The following HIPK1 variants were observed in gnomAD, a reference collection of about 807,000 sequenced individuals.
HIPK1 encodes homeodomain interacting protein kinase 1, also known as homeodomain-interacting protein kinase 1.
A neutral mutation model predicts 117.1 loss-of-function variants in HIPK1; 28 were observed. The ratio of observed to expected loss-of-function variants is 0.24; its 90% CI spans 0.18 to 0.33. The LOEUF is 0.33. Among genes scored for constraint, HIPK1 ranks in the 10% least tolerant of loss-of-function variants. HIPK1 has a pLI of 1.00. For missense variants in HIPK1, 1,122 were observed against 1,475.1 expected (o/e 0.76, Z 3.92); for synonymous variants, 605 against 562.5 (o/e 1.08, Z -1.07).
At chr1:113,938,271 A>G (rs1670381876) in intron 1 of HIPK1, among the ~76,000 whole-genome samples, 1 of 151,190 alleles carries the variant, frequency 6.6e-6, no homozygotes, top group Non-Finnish European at 1.5e-5. Flanking sequence ...CATCTGGCCT[A>G]ATTTTTCTTT....
intron 2 of HIPK1, chr1:113,951,106 ACT>A (rs1408013685): frequency 7.6e-6 from 3 of 396,178 alleles, no homozygotes; most frequent in East Asian, 1.6e-4. Flanking sequence ...GGATTAAGTG[ACT>A]CAACATTTAT....
chr1:113,966,543 C>T (rs969605770), intron 11 of HIPK1, among the ~76,000 whole-genome samples: 1 of 152,088 alleles, frequency 6.6e-6, no homozygotes, highest in Non-Finnish European at 1.5e-5. Context: ...ATCCTAAAGC[C>T]TTGTAATCTA....
At position 113,977,536 on chromosome 1, in the gene HIPK1, A is replaced by T. The variant is rs1407124515; in HGVS notation, c.*4024A>T. The T allele has an allele frequency of 6.5e-6, 1 of 152,718 alleles. No individual in the cohort carries two copies. The highest frequency in any genetic ancestry group is 1.5e-5 in the Non-Finnish European group (1 of 68,020). The allele number at this position is 152,718 out of a possible 1,614,324, so 9.5% of individuals were successfully genotyped here. A position where few individuals can be genotyped will look rare whatever the true frequency, so the allele number is the denominator to read the frequency against. ...TTTTACAACAAGCCTCTAGAAACAG[A>T]TAGTTTCTGAGAATTACTGAGCTAT... On this transcript the variant is annotated 3_prime_UTR_variant, in exon 16 of 16. Transcript: ENST00000426820.
intron 15 of HIPK1, among the ~76,000 whole-genome samples, chr1:113,972,744 T>C (rs1183563508): frequency 2.0e-5 from 3 of 152,294 alleles, no homozygotes; most frequent in African/African-American, 7.2e-5. Flanking sequence ...CACCAGTTAT[T>C]AACTTGCAGG....
At position 113,973,299 on chromosome 1, in the gene HIPK1, G is replaced by A. The variant is rs770536610; in HGVS notation, c.3420G>A (p.Arg1140=). 47 of 1,614,078 alleles carry A rather than the reference G, an allele frequency of 2.9e-5. No homozygotes were observed. The highest frequency in any genetic ancestry group is 3.6e-5 in the Non-Finnish European group (43 of 1,180,012). Residue 1140 remains arginine (R), a synonymous_variant, in exon 16 of 16, where the codon AGG becomes AGA. Coordinates refer to ENST00000426820, the MANE Select transcript of HIPK1 (RefSeq NM_198268.3). The part of the protein sequence containing the change: ...AHLFSPQGSS[R]HAAAYTTHPS... ...TTTTCTCCCCACAGGGTTCCTCAAGGCATGCTGCAGCCTATACCACTCACC... is the reference window on the plus strand; with the variant it reads ...TTTTCTCCCCACAGGGTTCCTCAAGACATGCTGCAGCCTATACCACTCACC...
intron 2 of HIPK1, among the ~76,000 whole-genome samples, chr1:113,950,799 G>C (rs1299779544): frequency 2.0e-5 from 3 of 152,286 alleles, no homozygotes; most frequent in East Asian, 3.9e-4. Flanking sequence ...CACTGCGCTG[G>C]CCAAGGGCAC....
chr1:113,959,015 T>C (rs1428274597), intron 8 of HIPK1, among the ~76,000 whole-genome samples: 2 of 152,166 alleles, frequency 1.3e-5, no homozygotes, highest in Non-Finnish European at 2.9e-5. Flanking sequence ...TCTGTCCAGT[T>C]TCTTTTTTCT....
At position 113,971,987 on chromosome 1, in the gene HIPK1, G is replaced by A. The variant is rs752293256; in HGVS notation, c.3144+33G>A. ...CTATGGGCTACTGCCTTCTGTTTGG[G>A]CCCTGCACTGTTGTTACTTTCTGGA... On this transcript the variant is annotated intron_variant, in intron 15 of 15. Coordinates refer to ENST00000426820, the MANE Select transcript of HIPK1 (RefSeq NM_198268.3). The A allele has an allele frequency of 3.7e-6, 6 of 1,612,884 alleles. No homozygotes were observed. In the African/African-American group the frequency reaches 8.0e-5, roughly 22 times the overall value.
At chr1:113,971,724 G>A (rs1217670431) in intron 14 of HIPK1, 100 bp from the exon 15 acceptor site, 1 of 1,160,994 alleles carries the variant, frequency 8.6e-7, no homozygotes, top group African/African-American at 1.6e-5. Flanking sequence ...AGACCTTAAT[G>A]CTTGCAAACT....
rs568797615 is a variant in HIPK1 at position 113,977,749 on chromosome 1, G to C, written c.*4237G>C. The stretch of plus-strand genomic sequence containing the variant: ...ATTTTCAGTATTTTCTACATAATAT[G>C]GTAAAATGTAGAGCAATTGCAATGC... On this transcript the variant is annotated 3_prime_UTR_variant, in exon 16 of 16. Transcript: ENST00000426820. The C allele has an allele frequency of 1.0e-4, 16 of 152,730 alleles. No individual in the cohort carries two copies. Among genetic ancestry groups the C allele is most frequent in the African/African-American group, 3.9e-4 (16 of 41,518 alleles). The allele number at this position is 152,730 out of a possible 1,614,324, so 9.5% of individuals were successfully genotyped here.
intron 8 of HIPK1, among the ~76,000 whole-genome samples, 169 bp downstream of exon 8, chr1:113,958,460 A>G (rs960199133): frequency 5.9e-5 from 9 of 152,182 alleles, no homozygotes; most frequent in African/African-American, 1.9e-4. Flanking sequence ...TACATAGGCT[A>G]TTTATCTAAT....
intron 2 of HIPK1, among the ~76,000 whole-genome samples, chr1:113,948,009 G>A (rs6674210): frequency 0.01 from 1,591 of 152,258 alleles, 28 homozygotes; most frequent in African/African-American, 0.037. Context: ...AGTTTTACGT[G>A]TCTGTAGAGT....
chr1:113,953,363 G>C lies in HIPK1; in HGVS notation c.1200+474G>C, dbSNP rs908194862. On this transcript the variant is annotated intron_variant, in intron 3 of 15. Coordinates refer to ENST00000426820, the MANE Select transcript of HIPK1 (RefSeq NM_198268.3). ...GGGTCGCTAAGATAGGATTTAGAAA[G>C]GAAATCATCTGAGTTGTAGTAATAT... Among the ~76,000 whole-genome samples, 3 of 152,090 alleles carry C rather than the reference G, an allele frequency of 2.0e-5. 1 individual carries two copies. The highest frequency in any genetic ancestry group is 7.2e-5 in the African/African-American group (3 of 41,394).
chr1:113,956,547 T>G, intron 5 of HIPK1, 80 bp from the exon 6 acceptor site: 1 of 937,932 alleles, frequency 1.1e-6, no homozygotes, highest in Non-Finnish European at 1.6e-6. Flanking sequence ...CACACACACA[T>G]AGTTTGGAGG....
At position 113,940,750 on chromosome 1, in the gene HIPK1, T is replaced by C. The variant is rs751356056; in HGVS notation, c.367T>C (p.Leu123=). The C allele has an allele frequency of 1.2e-6, 2 of 1,613,996 alleles. No homozygotes were observed. The highest frequency in any genetic ancestry group is 2.2e-5 in the South Asian group (2 of 91,078). The stretch of plus-strand genomic sequence containing the variant: ...GCTTGAGCCATATCAAAAATGTGGA[T>C]TGAAACGAAAAAGTGAGGAAGTTGA... The part of the protein sequence containing the change: ...SLLEPYQKCG[L]KRKSEEVDSN... The change falls in exon 2 of 16, where the codon TTG becomes CTG. Residue 123 remains leucine (L), a synonymous_variant. Coordinates refer to ENST00000426820, the MANE Select transcript of HIPK1 (RefSeq NM_198268.3).
In HIPK1 at chr1:113,958,146, C is replaced by T; in HGVS notation, c.1836C>T (p.Tyr612=). The part of the protein sequence containing the change: ...LANSDVSLLN[Y]QSALYPSSAA... The stretch of plus-strand genomic sequence containing the variant: ...ATTCAGATGTCTCACTACTAAACTA[C>T]CAGTCAGCTTTGTACCCATCATCTG... Residue 612 remains tyrosine, a synonymous_variant, in exon 8 of 16, where the codon TAC becomes TAT. Coordinates refer to ENST00000426820, the MANE Select transcript of HIPK1 (RefSeq NM_198268.3). 1 of 1,614,120 alleles carries T rather than the reference C, an allele frequency of 6.2e-7. No homozygotes were observed. The highest frequency in any genetic ancestry group is 2.2e-5 in the East Asian group (1 of 44,894).
intron 2 of HIPK1, among the ~76,000 whole-genome samples, chr1:113,945,337 T>C (rs1571672797): frequency 1.3e-5 from 2 of 152,354 alleles, no homozygotes; most frequent in South Asian, 4.1e-4. Flanking sequence ...TTTTTAACTT[T>C]GGTGAAGTGC....
intron 2 of HIPK1, among the ~76,000 whole-genome samples, chr1:113,948,644 T>C (rs76275644): frequency 6.6e-6 from 1 of 151,930 alleles, no homozygotes; most frequent in Non-Finnish European, 1.5e-5. Context: ...AGTTGCTGTT[T>C]TGACTGAGCT....
intron 7 of HIPK1, 144 bp from the exon 8 acceptor site, chr1:113,957,922 C>A: frequency 3.3e-6 from 2 of 612,188 alleles, no homozygotes. Context: ...AGGGAAGTTT[C>A]TTAAGCAGAG....
Sources: gnomAD v4.1 joint callset for allele counts (sites outside exome capture counted in the v4.1 genomes callset) on GRCh38, gnomAD v4.1.1 for gene constraint, MANE v1.5 for transcripts, NCBI Gene and HGNC (gene_info 2026-07-23, HGNC 2026-07-21) for gene names.